Variants in SFMBT2 observed in about 807,000 individuals in gnomAD.
The protein encoded by SFMBT2 is scm-like with four MBT domains protein 2.
Under a neutral mutation model 110.1 loss-of-function variants are expected in SFMBT2, and 38 were observed. The observed-to-expected ratio is 0.35, with a 90% CI of 0.27 to 0.45. SFMBT2 has a LOEUF of 0.45. SFMBT2 is among the 20% of genes least tolerant of loss of function. The probability of loss-of-function intolerance (pLI) is 1.00; values close to 1 mark genes in which losing one functional copy is unlikely to be tolerated. For synonymous variants in SFMBT2, 425 were observed against 425.4 expected (o/e 1.00, Z 0.01); for missense variants, 1,011 against 1,094.9 (o/e 0.92, Z 1.08).
intron 1 of SFMBT2, among the ~76,000 whole-genome samples, chr10:7,395,601 C>T (rs965132754): frequency 2.0e-5 from 3 of 152,120 alleles, no homozygotes; most frequent in Non-Finnish European, 4.4e-5. Flanking sequence ...TTCCCCTTTA[C>T]CTTCTATCAC....
chr10:7,219,488 C>T (rs746236478), intron 11 of SFMBT2, among the ~76,000 whole-genome samples: 3 of 152,150 alleles, frequency 2.0e-5, no homozygotes, highest in Non-Finnish European at 4.4e-5. Context: ...TATTTAAGAC[C>T]TTTGCAGACA....
At chr10:7,353,627 C>T (rs1158141168) in intron 4 of SFMBT2, among the ~76,000 whole-genome samples, 4 of 152,190 alleles carry the variant, frequency 2.6e-5, no homozygotes, top group Non-Finnish European at 1.5e-5. Flanking sequence ...GTCCTCCCAT[C>T]ATGCATTTTC....
chr10:7,336,679 A>G (rs538698567), intron 4 of SFMBT2, among the ~76,000 whole-genome samples: 2 of 152,160 alleles, frequency 1.3e-5, no homozygotes, highest in South Asian at 2.1e-4. Flanking sequence ...CAATCAATCA[A>G]TCAATCAGAG....
chr10:7,234,208 G>A (rs952364649), intron 9 of SFMBT2, among the ~76,000 whole-genome samples: 8 of 137,134 alleles, frequency 5.8e-5, no homozygotes, highest in Non-Finnish European at 1.7e-5. Flanking sequence ...GAACAGTGCA[G>A]GAAAAAAACA....
intron 17 of SFMBT2, among the ~76,000 whole-genome samples, chr10:7,173,379 C>G (rs759325516): frequency 6.6e-6 from 1 of 152,180 alleles, no homozygotes; most frequent in Non-Finnish European, 1.5e-5. Context: ...CATCTGCTGG[C>G]GTGGTCCTGG....
Position 7,276,992 on chromosome 10 carries a change from G to A in SFMBT2, c.773-3C>T, listed in dbSNP as rs775314287. Reference sequence around the variant, plus strand: ...GGCCATCTTCAAAGGATAGATTTCTGTATCAACAGCAAATCACAGAAGAGT... The same window carrying A: ...GGCCATCTTCAAAGGATAGATTTCTATATCAACAGCAAATCACAGAAGAGT... On this transcript the variant is annotated splice_region_variant and splice_polypyrimidine_tract_variant and intron_variant, in intron 6 of 20. Coordinates refer to ENST00000397167, the MANE Select transcript of SFMBT2 (RefSeq NM_001387889.1). The A allele has an allele frequency of 2.3e-6, 2 of 869,532 alleles. No individual in the cohort carries two copies. Among genetic ancestry groups the A allele is most frequent in the Admixed American group, 3.4e-5 (2 of 59,178 alleles). The allele number at this position is 869,532 out of a possible 1,614,324, so 53.9% of individuals were successfully genotyped here.
chr10:7,224,623 C>G (rs987310648), intron 10 of SFMBT2, among the ~76,000 whole-genome samples: 4 of 152,196 alleles, frequency 2.6e-5, no homozygotes, highest in African/African-American at 9.7e-5. Context: ...GTTCCACTAC[C>G]TTCAAATAGT....
At chr10:7,286,013 C>T in intron 4 of SFMBT2, 59 bp from the exon 5 acceptor site, 1 of 794,758 alleles carries the variant, frequency 1.3e-6, no homozygotes, top group Non-Finnish European at 2.2e-6. Context: ...TTCAACACAG[C>T]AGCAAAGTAT....
In SFMBT2 at chr10:7,172,170, G is replaced by A. The variant is rs375394443; in HGVS notation, c.2152-12C>T. 8 of 1,535,842 alleles carry A rather than the reference G, an allele frequency of 5.2e-6. No individual in the cohort carries two copies. The highest frequency in any genetic ancestry group is 7.0e-6 in the Non-Finnish European group (8 of 1,140,694). ...TCCTCTTCACTTTCCTGGGAAGGAG[G>A]AAAAGGCATTTAAGGGGCTGGTGGC... On this transcript the variant is annotated splice_polypyrimidine_tract_variant and intron_variant, in intron 18 of 20. Coordinates refer to ENST00000397167, the MANE Select transcript of SFMBT2 (RefSeq NM_001387889.1). The surrounding 1 kb of genome is among the most constrained non-coding windows in gnomAD (Gnocchi z 4.6).
chr10:7,286,183 A>G (rs370009250), intron 4 of SFMBT2, among the ~76,000 whole-genome samples: 3 of 152,344 alleles, frequency 2.0e-5, no homozygotes, highest in African/African-American at 7.2e-5. Context: ...CACCAAGGAG[A>G]TGAAAGAATC....
chr10:7,280,105 T>C (rs1214712676), intron 6 of SFMBT2, among the ~76,000 whole-genome samples: 1 of 152,194 alleles, frequency 6.6e-6, no homozygotes, highest in Non-Finnish European at 1.5e-5. Flanking sequence ...TGATCTACTA[T>C]GTGAGGACAC....
At chr10:7,392,400 A>C (rs1317847199) in intron 1 of SFMBT2, among the ~76,000 whole-genome samples, 2 of 152,294 alleles carry the variant, frequency 1.3e-5, no homozygotes, top group Middle Eastern at 3.4e-3. Context: ...CTGTAATCCC[A>C]GCTACTCAGG....
At chr10:7,177,493 G>A (rs963617962) in intron 16 of SFMBT2, among the ~76,000 whole-genome samples, 8 of 152,166 alleles carry the variant, frequency 5.3e-5, no homozygotes, top group African/African-American at 1.7e-4. Flanking sequence ...AATTGAAGAT[G>A]GGGCTTTCAA....
chr10:7,188,813 C>G, intron 15 of SFMBT2, 80 bp from the exon 16 acceptor site: 1 of 1,199,202 alleles, frequency 8.3e-7, no homozygotes, highest in Non-Finnish European at 1.2e-6. Context: ...AAAACCACAC[C>G]ACTGACATTT....
In SFMBT2 at chr10:7,227,888, C is replaced by T; in HGVS notation, c.1170G>A (p.Gly390=). ...FDWADYHKQH[G]AQEAPPFCFR... ...AGCAGAAGGGAGGGGCTTCCTGCGC[C>T]CCATGCTGCTTGTGATAATCTGCCC... The change falls in exon 10 of 21, where the codon GGG becomes GGA. Residue 390 remains glycine, a synonymous_variant. Coordinates refer to ENST00000397167, the MANE Select transcript of SFMBT2 (RefSeq NM_001387889.1). 6.2e-6 allele frequency: 10 copies of T among 1,609,482 alleles called. No individual in the cohort carries two copies. The highest frequency in any genetic ancestry group is 8.5e-6 in the Non-Finnish European group (10 of 1,178,656).
intron 4 of SFMBT2, among the ~76,000 whole-genome samples, chr10:7,346,404 G>A (rs760502142): frequency 1.3e-5 from 2 of 152,040 alleles, no homozygotes; most frequent in African/African-American, 2.4e-5. Context: ...AGCAAGACAC[G>A]GGTAATTTTT....
intron 2 of SFMBT2, among the ~76,000 whole-genome samples, chr10:7,377,668 C>T (rs1845278122): frequency 6.6e-6 from 1 of 152,146 alleles, no homozygotes; most frequent in Admixed American, 6.5e-5. Flanking sequence ...GGTCACACTC[C>T]TATGAGAATC....
chr10:7,277,409 T>C, intron 6 of SFMBT2: 1 of 244,228 alleles, frequency 4.1e-6, no homozygotes, highest in African/African-American at 2.3e-5. Context: ...TAGTCTGGCA[T>C]TTGCAGTTAT....
At chr10:7,309,484 A>G (rs1477430216) in intron 4 of SFMBT2, among the ~76,000 whole-genome samples, 1 of 152,212 alleles carries the variant, frequency 6.6e-6, no homozygotes. Context: ...GAGGAGGACG[A>G]GGCCTGACAA....
Sources: allele counts gnomAD v4.1 joint callset (sites outside exome capture counted in the v4.1 genomes callset), GRCh38; gene constraint gnomAD v4.1.1; non-coding constraint Gnocchi (gnomAD v3.1); transcripts MANE v1.5; gene names NCBI Gene and HGNC (gene_info 2026-07-23, HGNC 2026-07-21).